KLHL1: variants seen among roughly 807,000 people sequenced by gnomAD.
KLHL1 encodes kelch-like protein 1.
KLHL1 carries 47 observed loss-of-function variants against 77.7 expected under a neutral mutation model. The ratio of observed to expected loss-of-function variants is 0.60; its 90% CI spans 0.48 to 0.77. KLHL1 has a LOEUF of 0.77. Among genes scored for constraint, KLHL1 ranks in the 30% least tolerant of loss-of-function variants. The probability of loss-of-function intolerance (pLI) is 0.00; values close to 1 mark genes in which losing one functional copy is unlikely to be tolerated. For synonymous variants in KLHL1, 360 were observed against 325.2 expected (o/e 1.11, Z -1.15); for missense variants, 925 against 910.8 (o/e 1.02, Z -0.20).
intron 1 of KLHL1, among the ~76,000 whole-genome samples, chr13:70,043,487 T>C (rs1886426350): frequency 6.6e-6 from 1 of 152,204 alleles, no homozygotes; most frequent in African/African-American, 2.4e-5. Flanking sequence ...GTAATGTTCT[T>C]GGCCTTCACA....
At chr13:69,888,957 C>G (rs1295976221) in intron 4 of KLHL1, among the ~76,000 whole-genome samples, 2 of 151,668 alleles carry the variant, frequency 1.3e-5, no homozygotes, top group African/African-American at 4.8e-5. Flanking sequence ...TCCCATGTCC[C>G]TTATGGAGGA....
chr13:69,918,271 T>C (rs1882511313), intron 4 of KLHL1, among the ~76,000 whole-genome samples: 1 of 151,906 alleles, frequency 6.6e-6, no homozygotes, highest in Non-Finnish European at 1.5e-5. Flanking sequence ...TTTAATACTA[T>C]AGCTTCTTTA....
intron 4 of KLHL1, among the ~76,000 whole-genome samples, chr13:69,891,399 T>A (rs1167181845): frequency 6.6e-6 from 1 of 152,082 alleles, no homozygotes; most frequent in African/African-American, 2.4e-5. Flanking sequence ...TCTTTCAAGA[T>A]CATCATACAG....
chr13:69,718,029 A>G (rs1290895524), intron 9 of KLHL1, among the ~76,000 whole-genome samples: 1 of 152,148 alleles, frequency 6.6e-6, no homozygotes, highest in African/African-American at 2.4e-5. Flanking sequence ...ACCAAAAACC[A>G]TCTCTTGCCA....
chr13:69,764,962 T>TTTTTTTTTTTTTTTTTTTTTC (rs1875217214), intron 7 of KLHL1, among the ~76,000 whole-genome samples: 1 of 78,470 alleles, frequency 1.3e-5, no homozygotes, highest in Non-Finnish European at 2.5e-5. Context: ...TTTTTTTTTT[T>TTTTTTTTTTTTTTTTTTTTTC]TTTTTTTGAG....
At position 69,892,050 on chromosome 13, in the gene KLHL1, A is replaced by G. The variant is rs1361582244; in HGVS notation, c.1015-9555T>C. On this transcript the variant is annotated intron_variant, in intron 4 of 10. Coordinates refer to ENST00000377844, the MANE Select transcript of KLHL1 (RefSeq NM_020866.3). ...TATTAGAGTAGTAGTATTTATTTTTATAATTAGTAATATTAGGTACATTAA... is the reference window on the plus strand; with the variant it reads ...TATTAGAGTAGTAGTATTTATTTTTGTAATTAGTAATATTAGGTACATTAA... Among the ~76,000 whole-genome samples the G allele has an allele frequency of 2.0e-5, 3 of 152,220 alleles. 1 individual carries two copies. The highest frequency in any genetic ancestry group is 4.1e-4 in the South Asian group (2 of 4,828).
chr13:70,068,892 C>T (rs896780366), intron 1 of KLHL1, among the ~76,000 whole-genome samples: 1 of 152,076 alleles, frequency 6.6e-6, no homozygotes, highest in East Asian at 1.9e-4. Context: ...GTTTTACCTC[C>T]AGGAGCCCTA....
chr13:69,837,400 A>G (rs79428115), intron 6 of KLHL1, among the ~76,000 whole-genome samples: 18 of 151,602 alleles, frequency 1.2e-4, no homozygotes, highest in African/African-American at 4.3e-4. Context: ...AAAATTTAAT[A>G]ACATAATTTC....
intron 8 of KLHL1, among the ~76,000 whole-genome samples, chr13:69,730,312 T>G (rs529008347): frequency 2.2e-4 from 34 of 151,578 alleles, no homozygotes; most frequent in Admixed American, 1.1e-3. Context: ...CATTACAAAA[T>G]AATGTAAAAA....
intron 7 of KLHL1, among the ~76,000 whole-genome samples, chr13:69,766,722 A>C (rs9317844): frequency 0.36 from 55,298 of 151,772 alleles, 10,300 homozygotes; most frequent in African/African-American, 0.43. Context: ...TACTGACTGG[A>C]AAATGGATTA....
intron 7 of KLHL1, among the ~76,000 whole-genome samples, chr13:69,754,384 G>A (rs1050179218): frequency 6.6e-6 from 1 of 151,848 alleles, no homozygotes; most frequent in Non-Finnish European, 1.5e-5. Flanking sequence ...ATTTAATAAG[G>A]GACAAGGACA....
At chr13:69,837,791 T>C (rs972864331) in intron 6 of KLHL1, among the ~76,000 whole-genome samples, 1 of 150,858 alleles carries the variant, frequency 6.6e-6, no homozygotes, top group Non-Finnish European at 1.5e-5. Flanking sequence ...AGACATTTTA[T>C]TGTGTTTTAA....
chr13:69,728,785 G>A (rs1873413722), intron 8 of KLHL1, among the ~76,000 whole-genome samples: 1 of 151,690 alleles, frequency 6.6e-6, no homozygotes, highest in Admixed American at 6.6e-5. Context: ...TCCAGCTTGG[G>A]TGACAGAGCG....
chr13:69,857,450 C>T (rs530987763), intron 5 of KLHL1, among the ~76,000 whole-genome samples: 1 of 151,956 alleles, frequency 6.6e-6, no homozygotes, highest in African/African-American at 2.4e-5. Flanking sequence ...TTATTATATG[C>T]CCCATGACTA....
At chr13:69,979,865 AGCTATAC>A (rs1471373802) in intron 1 of KLHL1, among the ~76,000 whole-genome samples, 1 of 152,192 alleles carries the variant, frequency 6.6e-6, no homozygotes, top group Non-Finnish European at 1.5e-5. Context: ...CTCAAACCAT[AGCTATAC>A]TATTCTATTT....
chr13:69,890,532 G>A (rs528897621), intron 4 of KLHL1, among the ~76,000 whole-genome samples: 3 of 152,028 alleles, frequency 2.0e-5, no homozygotes, highest in African/African-American at 4.8e-5. Flanking sequence ...TCCTATTTTT[G>A]AAGCAACATC....
At chr13:69,778,787 C>CCT (rs1380127304) in intron 7 of KLHL1, among the ~76,000 whole-genome samples, 2 of 145,776 alleles carry the variant, frequency 1.4e-5, no homozygotes, top group Admixed American at 1.4e-4. Context: ...GCAGGTATTC[C>CCT]CTCTCTTTTT....
chr13:69,796,017 C>T (rs528681109), intron 7 of KLHL1, among the ~76,000 whole-genome samples: 18 of 152,210 alleles, frequency 1.2e-4, no homozygotes, highest in East Asian at 3.9e-4. Context: ...TGCACTACTT[C>T]GGCCTTTCCA....
At chr13:69,733,858 A>T (rs986551330) in intron 8 of KLHL1, among the ~76,000 whole-genome samples, 2 of 152,202 alleles carry the variant, frequency 1.3e-5, no homozygotes, top group Non-Finnish European at 2.9e-5. Flanking sequence ...GCCAGCTAAA[A>T]TGTGTATGTA....
Sources: allele counts gnomAD v4.1 joint callset (sites outside exome capture counted in the v4.1 genomes callset), GRCh38; gene constraint gnomAD v4.1.1; transcripts MANE v1.5; gene names NCBI Gene and HGNC (gene_info 2026-07-23, HGNC 2026-07-21).